ANKHD1: variants seen among roughly 807,000 people sequenced by gnomAD.
The protein encoded by ANKHD1 is ankyrin repeat and KH domain-containing protein 1.
In ANKHD1, 31 loss-of-function variants were observed where a neutral mutation model predicts 230.5. That is an observed-to-expected ratio of 0.13 (90% CI 0.10 to 0.18). ANKHD1 has a LOEUF of 0.18. Among genes scored for constraint, ANKHD1 ranks in the 10% least tolerant of loss-of-function variants. The probability of loss-of-function intolerance (pLI) is 1.00; values close to 1 mark genes in which losing one functional copy is unlikely to be tolerated. For synonymous variants in ANKHD1, 1,074 were observed against 1,117.6 expected, an observed-to-expected ratio of 0.96 and a Z score of 0.78; for missense variants, 2,256 against 3,071.3, an observed-to-expected ratio of 0.73 and a Z score of 6.27.
At chr5:140,496,398 G>A (rs1752037377) in intron 14 of ANKHD1, 122 bp from the exon 15 acceptor site, 3 of 1,067,796 alleles carry the variant, frequency 2.8e-6, no homozygotes, top group Non-Finnish European at 3.8e-6. Flanking sequence ...AGTTATAAGG[G>A]TTTTGGGAGG....
intron 24 of ANKHD1, among the ~76,000 whole-genome samples, chr5:140,523,343 A>G (rs1388598931): frequency 6.6e-6 from 1 of 151,940 alleles, no homozygotes; most frequent in East Asian, 1.9e-4. Context: ...CCTGGGCTCA[A>G]GCAATCTTTC....
chr5:140,526,852 G>A (rs1581376216), intron 26 of ANKHD1, 76 bp from the exon 27 acceptor site: 6 of 1,483,998 alleles, frequency 4.0e-6, no homozygotes, highest in East Asian at 2.4e-5. Flanking sequence ...CGTAACTCTG[G>A]CTATAAAGGA....
In ANKHD1 at chr5:140,528,694, G is replaced by C. The variant is rs751753955; in HGVS notation, c.5748G>C (p.Gln1916His). Residue 1916 changes from glutamine to histidine, a missense_variant, in exon 29 of 34, where the codon CAG (glutamine) becomes CAC (histidine). Physicochemically the swap from Gln to His is conservative, Grantham distance 24. Around this residue, in one of 13 missense-constraint regions of ANKHD1, gnomAD observed 778 missense variants for 966.5 expected, o/e 0.80. Coordinates refer to ENST00000360839, the MANE Select transcript of ANKHD1 (RefSeq NM_017747.3). The stretch of plus-strand genomic sequence containing the variant: ...ATAACACAAGCCGTCTACCTAACCA[G>C]AACGGGACTGTTTTACCCTCAGAGT... ...KHNNTSRLPN[Q>H]NGTVLPSESA... 9 of 1,614,154 alleles carry C rather than the reference G, an allele frequency of 5.6e-6. No individual in the cohort carries two copies. In the East Asian group the frequency reaches 2.0e-4, roughly 36 times the overall value.
chr5:140,512,195 C>T (rs898049193), intron 22 of ANKHD1, among the ~76,000 whole-genome samples: 27 of 149,948 alleles, frequency 1.8e-4, no homozygotes, highest in African/African-American at 5.9e-4. Context: ...AAGAGCGTGC[C>T]GTGGCACTCC....
intron 1 of ANKHD1, among the ~76,000 whole-genome samples, chr5:140,432,299 G>T (rs148292828): frequency 2.7e-3 from 418 of 152,206 alleles, no homozygotes; most frequent in African/African-American, 9.4e-3. Flanking sequence ...CTATGGATTT[G>T]CCTATGCTGG....
chr5:140,433,282 T>C (rs1393909583), intron 1 of ANKHD1, among the ~76,000 whole-genome samples: 1 of 152,114 alleles, frequency 6.6e-6, no homozygotes, highest in Non-Finnish European at 1.5e-5. Flanking sequence ...GCCAGGCTAG[T>C]CTTGAACACC....
chr5:140,454,979 A>T (rs1215731403), intron 7 of ANKHD1, among the ~76,000 whole-genome samples: 1 of 82,324 alleles, frequency 1.2e-5, no homozygotes, highest in East Asian at 6.6e-4. Context: ...CAAGACTAAT[A>T]AAGAAGAAGA....
At chr5:140,464,884 A>C in intron 10 of ANKHD1, 108 bp downstream of exon 10, 6 of 1,154,480 alleles carry the variant, frequency 5.2e-6, no homozygotes, top group Non-Finnish European at 5.8e-6. Context: ...TGTATACAGT[A>C]ACTTAAAAAA....
intron 5 of ANKHD1, among the ~76,000 whole-genome samples, chr5:140,444,434 GT>G (rs1241390416): frequency 2.0e-5 from 3 of 152,106 alleles, no homozygotes; most frequent in Non-Finnish European, 4.4e-5. Context: ...AAAAATACAG[GT>G]TCCTAGAAGT....
intron 2 of ANKHD1, among the ~76,000 whole-genome samples, chr5:140,437,401 C>T (rs1333226246): frequency 6.6e-6 from 1 of 152,166 alleles, no homozygotes; most frequent in Non-Finnish European, 1.5e-5. Context: ...AATACATTTG[C>T]ATTTAAAATT....
chr5:140,434,665 A>G (rs1048240230), intron 1 of ANKHD1, among the ~76,000 whole-genome samples: 2 of 151,914 alleles, frequency 1.3e-5, no homozygotes, highest in Non-Finnish European at 2.9e-5. Context: ...GCCATTAAAT[A>G]TGCTTCAAAA....
intron 14 of ANKHD1, among the ~76,000 whole-genome samples, chr5:140,488,084 C>G (rs932630663): frequency 6.6e-6 from 1 of 152,130 alleles, no homozygotes; most frequent in Non-Finnish European, 1.5e-5. Flanking sequence ...CCTAGCTATT[C>G]AAAATTTTCC....
rs1029668508 is a variant in ANKHD1 at position 140,407,034 on chromosome 5, C to T, written c.306+4761C>T. Reference sequence around the variant, plus strand: ...ACTTTAGGCCTGGTGCGGTGGCTAACGCCTGTAATCCCAGCACTTTGGGAG... The same window carrying T: ...ACTTTAGGCCTGGTGCGGTGGCTAATGCCTGTAATCCCAGCACTTTGGGAG... On this transcript the variant is annotated intron_variant, in intron 1 of 33. Coordinates refer to ENST00000360839, the MANE Select transcript of ANKHD1 (RefSeq NM_017747.3). Among the ~76,000 whole-genome samples, 3 of 152,082 alleles carry T rather than the reference C, an allele frequency of 2.0e-5. No individual in the cohort carries two copies. In the South Asian group the frequency reaches 6.2e-4, roughly 32 times the overall value.
intron 24 of ANKHD1, among the ~76,000 whole-genome samples, chr5:140,520,163 A>C (rs1434223904): frequency 1.3e-5 from 2 of 152,188 alleles, no homozygotes; most frequent in Non-Finnish European, 2.9e-5. Flanking sequence ...ATGCAGCCAA[A>C]AAACACATGA....
At position 140,513,073 on chromosome 5, in the gene ANKHD1, G is replaced by T. The variant is rs114642521; in HGVS notation, c.4200+150G>T. ...GTTTCTCCATTTGCAAAATAGAGGGGTATAATACTTTTGATAAACTATTTT... is the reference window on the plus strand; with the variant it reads ...GTTTCTCCATTTGCAAAATAGAGGGTTATAATACTTTTGATAAACTATTTT... On this transcript the variant is annotated intron_variant, in intron 23 of 33. Transcript: ENST00000360839. The T allele has an allele frequency of 2.2e-3, 1,647 of 760,586 alleles. 14 individuals carry two copies. In the African/African-American group the frequency reaches 0.026, roughly 12 times the overall value. 47.1% of individuals were successfully genotyped at this position (760,586 alleles called of 1,614,324 possible). A position where few individuals can be genotyped will look rare whatever the true frequency, so the allele number is the denominator to read the frequency against.
In ANKHD1 at chr5:140,506,791, C is replaced by T. The variant is rs1244589909; in HGVS notation, c.3409-44C>T. The T allele has an allele frequency of 6.2e-7, 1 of 1,602,994 alleles. No individual in the cohort carries two copies. ...TGTGTTTCCTTCATTATAAGTTGAG[C>T]CCTTGGTGTAAACTCTCTTCTCTAT... On this transcript the variant is annotated intron_variant, in intron 18 of 33. Coordinates refer to ENST00000360839, the MANE Select transcript of ANKHD1 (RefSeq NM_017747.3). The surrounding 1 kb of genome is among the most constrained non-coding windows in gnomAD (Gnocchi z 4.7).
chr5:140,438,513 A>G lies in ANKHD1; in HGVS notation c.513A>G (p.Val171=), dbSNP rs1416814349. 1 of 1,613,134 alleles carries G rather than the reference A, an allele frequency of 6.2e-7. No individual in the cohort carries two copies. Among genetic ancestry groups the G allele is most frequent in the Admixed American group, 1.7e-5 (1 of 59,926 alleles). ...GTAAAGCTTTTGCAGATCCTGAGGT[A>G]CTCCGGAGACTGACATCCTCAGTTA... ...ADGKAFADPE[V]LRRLTSSVSC... is the part of the protein sequence containing the mutation. Residue 171 remains valine, a synonymous_variant, in exon 3 of 34, where the codon GTA becomes GTG. Transcript: ENST00000360839.
Position 140,444,079 on chromosome 5 carries a change from T to TCC in ANKHD1, c.914-1653_914-1652dup, listed in dbSNP as rs33957556. Among the ~76,000 whole-genome samples, 846 of 113,250 alleles carry TCC rather than the reference T, an allele frequency of 7.5e-3. 16 individuals are homozygous for TCC. Among genetic ancestry groups the TCC allele is most frequent in the African/African-American group, 0.027 (773 of 28,524 alleles). The allele number at this position is 113,250 out of a possible 152,430, so 74.3% of individuals were successfully genotyped here. A position where few individuals can be genotyped will look rare whatever the true frequency, so the allele number is the denominator to read the frequency against. ...AGAAAAGGGCTTGGTTGAGATGAAG[T>TCC]CCCCCCCCCCCTTTTTTTTTTTTTT... On this transcript the variant is annotated intron_variant, in intron 5 of 33. Coordinates refer to ENST00000360839, the MANE Select transcript of ANKHD1 (RefSeq NM_017747.3).
At chr5:140,416,541 T>G (rs2126860792) in intron 1 of ANKHD1, among the ~76,000 whole-genome samples, 1 of 152,332 alleles carries the variant, frequency 6.6e-6, no homozygotes, top group East Asian at 1.9e-4. Context: ...CTCTGATCTA[T>G]TCCATTGGTC....
Sources: gnomAD v4.1 joint callset for allele counts (sites outside exome capture counted in the v4.1 genomes callset) on GRCh38, gnomAD v4.1.1 for gene constraint, gnomAD v4.1.1 regional missense constraint, Gnocchi (gnomAD v3.1) non-coding constraint, MANE v1.5 for transcripts, NCBI Gene and HGNC (gene_info 2026-07-23, HGNC 2026-07-21) for gene names.